The following TMCC3 variants were observed in gnomAD, a reference collection of about 807,000 sequenced individuals.
TMCC3 encodes transmembrane and coiled-coil domain protein 3.
A neutral mutation model predicts 40.2 loss-of-function variants in TMCC3; 28 were observed. The ratio of observed to expected loss-of-function variants is 0.70; its 90% CI spans 0.52 to 0.95. TMCC3 has a LOEUF of 0.95. TMCC3 is among the 40% of genes least tolerant of loss of function. TMCC3 has a pLI of 0.00. For missense variants in TMCC3, 554 were observed against 615.2 expected (o/e 0.90, Z 1.05); for synonymous variants, 255 against 248.5 (o/e 1.03, Z -0.25).
intron 1 of TMCC3, among the ~76,000 whole-genome samples, chr12:94,592,665 A>C (rs1006102757): frequency 9.2e-5 from 13 of 141,462 alleles, no homozygotes; most frequent in Non-Finnish European, 1.7e-4. Context: ...CCATCTCAAA[A>C]AAAAAAAAAA....
In TMCC3 at chr12:94,605,439, T is replaced by TG. The variant is rs1472407263; in HGVS notation, c.79-22902_79-22901insC. ...TGTGTAATTGGTCATGACATGCGTATACACTTGTTGCATACCAACATTAAG... is the reference window on the plus strand; with the variant it reads ...TGTGTAATTGGTCATGACATGCGTATGACACTTGTTGCATACCAACATTAAG... On this transcript the variant is annotated intron_variant, in intron 1 of 3. Transcript: ENST00000261226. 1.7e-4 allele frequency among the ~76,000 whole-genome samples: 26 copies of TG among 152,360 alleles called. No individual in the cohort carries two copies. In the South Asian group the frequency reaches 4.6e-3, roughly 27 times the overall value.
chr12:94,638,523 T>C (rs911108117), intron 1 of TMCC3, among the ~76,000 whole-genome samples: 1 of 152,256 alleles, frequency 6.6e-6, no homozygotes, highest in Admixed American at 6.5e-5. Flanking sequence ...ACACTCTTCC[T>C]TGTATTTCTT....
intron 2 of TMCC3, among the ~76,000 whole-genome samples, chr12:94,579,244 C>T (rs746184053): frequency 3.3e-5 from 5 of 152,172 alleles, no homozygotes; most frequent in South Asian, 2.1e-4. Flanking sequence ...CAGTGGCTCA[C>T]GCCTGTAATC....
chr12:94,625,159 A>G (rs1196330782), intron 1 of TMCC3, among the ~76,000 whole-genome samples: 1 of 146,608 alleles, frequency 6.8e-6, no homozygotes, highest in African/African-American at 2.6e-5. Flanking sequence ...AAAAAAAAAA[A>G]TTTTTTTTTT....
chr12:94,642,036 A>G (rs892417818), intron 1 of TMCC3, among the ~76,000 whole-genome samples: 1 of 152,138 alleles, frequency 6.6e-6, no homozygotes, highest in Non-Finnish European at 1.5e-5. Context: ...CAGAAGAAGA[A>G]TGGCCTAACA....
At chr12:94,587,076 C>T (rs1323002079) in intron 1 of TMCC3, among the ~76,000 whole-genome samples, 3 of 152,172 alleles carry the variant, frequency 2.0e-5, no homozygotes, top group Non-Finnish European at 4.4e-5. Flanking sequence ...ATTACATGTG[C>T]GTGCTAAAAG....
At position 94,650,547 on chromosome 12, in the gene TMCC3, C is replaced by A; in HGVS notation, c.-117G>T. 1.2e-6 allele frequency: 1 copy of A among 831,718 alleles called. No individual in the cohort carries two copies. The highest frequency in any genetic ancestry group is 5.8e-5 in the South Asian group (1 of 17,248). The allele number at this position is 831,718 out of a possible 1,614,324, so 51.5% of individuals were successfully genotyped here. On this transcript the variant is annotated 5_prime_UTR_variant, in exon 1 of 4. Coordinates refer to ENST00000261226, the MANE Select transcript of TMCC3 (RefSeq NM_020698.4). ...CGAGGGGGCGGCGCGGCTGCTGCAG[C>A]TGTTGCCTCTGGTGCCAACACCCGC... is the stretch of plus-strand genomic sequence containing the variant.
chr12:94,619,054 A>G (rs1031741571), intron 1 of TMCC3, among the ~76,000 whole-genome samples: 1 of 152,212 alleles, frequency 6.6e-6, no homozygotes, highest in Non-Finnish European at 1.5e-5. Context: ...AGAGGTGCAG[A>G]GTCTCAGGGA....
intron 1 of TMCC3, among the ~76,000 whole-genome samples, chr12:94,599,862 C>G (rs1254556053): frequency 6.6e-6 from 1 of 152,184 alleles, no homozygotes; most frequent in Non-Finnish European, 1.5e-5. Flanking sequence ...CTTGCTACTT[C>G]CTCTATAAAA....
rs534639084 is a variant in TMCC3 at position 94,600,670 on chromosome 12, C to T, written c.79-18132G>A. ...TTTCACCTCAACACTTACACCATTC[C>T]CTTCCGGACACAGCATCTCAAGGCC... On this transcript the variant is annotated intron_variant, in intron 1 of 3. Transcript: ENST00000261226. Among the ~76,000 whole-genome samples the T allele has an allele frequency of 2.0e-5, 3 of 152,306 alleles. No individual in the cohort carries two copies. In the South Asian group the frequency reaches 6.2e-4, roughly 32 times the overall value.
chr12:94,582,994 TAA>T (rs72289280), intron 1 of TMCC3, among the ~76,000 whole-genome samples: 726 of 18,532 alleles, frequency 0.039, 9 homozygotes, highest in Non-Finnish European at 0.047. Flanking sequence ...TTTTTTTTTT[TAA>T]AAAAGAAAGA....
At chr12:94,647,417 G>A (rs1364446758) in intron 1 of TMCC3, among the ~76,000 whole-genome samples, 1 of 152,168 alleles carries the variant, frequency 6.6e-6, no homozygotes, top group African/African-American at 2.4e-5. Context: ...TAGTTTCCCT[G>A]TTATCTCAAC....
intron 1 of TMCC3, among the ~76,000 whole-genome samples, chr12:94,628,369 TC>T (rs1374610732): frequency 1.3e-5 from 2 of 152,198 alleles, no homozygotes; most frequent in Non-Finnish European, 2.9e-5. Flanking sequence ...ATCTCTGTTT[TC>T]CCTGGTGAAG....
intron 1 of TMCC3, among the ~76,000 whole-genome samples, chr12:94,645,824 GA>G: frequency 6.6e-6 from 1 of 152,118 alleles, no homozygotes; most frequent in Admixed American, 6.5e-5. Context: ...CATTTCCTTT[GA>G]GCGTCATGTT....
rs113024449 is a variant in TMCC3, at chr12:94,577,216, T to C, written c.1131+1178A>G. ...AATTTATTCATTTTTTGAGACAGAC[T>C]CTCACTGTGTCGTCCAGGCTGGAGT... On this transcript the variant is annotated intron_variant, in intron 3 of 3. Coordinates refer to ENST00000261226, the MANE Select transcript of TMCC3 (RefSeq NM_020698.4). 4.0e-3 allele frequency among the ~76,000 whole-genome samples: 606 copies of C among 152,258 alleles called. 3 individuals are homozygous for C. The highest frequency in any genetic ancestry group is 0.014 in the African/African-American group (580 of 41,544).
chr12:94,598,896 G>C (rs1204868860), intron 1 of TMCC3: 1 of 541,990 alleles, frequency 1.8e-6, no homozygotes, highest in Non-Finnish European at 2.4e-6. Flanking sequence ...TCTGTATTTG[G>C]GTTGGCTGTA....
intron 1 of TMCC3, among the ~76,000 whole-genome samples, chr12:94,583,205 G>T (rs1352904729): frequency 6.6e-6 from 1 of 150,814 alleles, no homozygotes; most frequent in South Asian, 2.1e-4. Flanking sequence ...AAAAGGCCGG[G>T]GGGTGGGGGC....
At chr12:94,601,462 G>A (rs765651650) in intron 1 of TMCC3, among the ~76,000 whole-genome samples, 5 of 152,108 alleles carry the variant, frequency 3.3e-5, no homozygotes, top group Non-Finnish European at 7.3e-5. Flanking sequence ...AGATTGCAGT[G>A]ACCCGAGATC....
chr12:94,647,567 G>A (rs2069026537), intron 1 of TMCC3, among the ~76,000 whole-genome samples: 1 of 152,170 alleles, frequency 6.6e-6, no homozygotes, highest in African/African-American at 2.4e-5. Flanking sequence ...AGTTCTCATT[G>A]GCATTTTTAG....
Sources: allele counts gnomAD v4.1 joint callset (sites outside exome capture counted in the v4.1 genomes callset), GRCh38; gene constraint gnomAD v4.1.1; transcripts MANE v1.5; gene names NCBI Gene and HGNC (gene_info 2026-07-23, HGNC 2026-07-21).